HESX1: variants seen among roughly 807,000 people sequenced by gnomAD.
HESX1 encodes homeobox expressed in ES cells 1.
A neutral mutation model predicts 22.5 loss-of-function variants in HESX1; 11 were observed. That is an observed-to-expected ratio of 0.49 (90% CI 0.31 to 0.81). HESX1 has a LOEUF of 0.81. HESX1 is among the 30% of genes least tolerant of loss of function. The pLI, the probability that HESX1 is intolerant of heterozygous loss-of-function variation, is 0.05. For missense variants in HESX1, 201 were observed against 212.6 expected, an observed-to-expected ratio of 0.95 and a Z score of 0.34; for synonymous variants, 74 against 76.5, an observed-to-expected ratio of 0.97 and a Z score of 0.17.
chr3:57,202,726 ATGGC>A (rs1260689172), upstream of HESX1, among the ~76,000 whole-genome samples: 9 of 152,234 alleles, frequency 5.9e-5, no homozygotes, highest in African/African-American at 2.2e-4. Context: ...TGCTAATTTC[ATGGC>A]ATGATAAATA....
chr3:57,204,453 G>A (rs2060508503), upstream of HESX1, among the ~76,000 whole-genome samples: 1 of 152,226 alleles, frequency 6.6e-6, no homozygotes, highest in Non-Finnish European at 1.5e-5. Context: ...AAGATGACTA[G>A]GTTTTTTGGC....
upstream of HESX1, among the ~76,000 whole-genome samples, chr3:57,200,635 T>G (rs1054610399): frequency 6.6e-6 from 1 of 152,212 alleles, no homozygotes; most frequent in Admixed American, 6.5e-5. Flanking sequence ...AAATAATTAA[T>G]GGGCTAATTC....
At chr3:57,200,458 A>T (rs972375702), upstream of HESX1, among the ~76,000 whole-genome samples, 1 of 152,222 alleles carries the variant, frequency 6.6e-6, no homozygotes, top group African/African-American at 2.4e-5. Context: ...TTCTGATGAA[A>T]ATGCCTGTTT....
Position 57,198,920 on chromosome 3 carries a change from T to C in HESX1, c.190A>G (p.Asn64Asp). The part of the protein sequence containing the change: ...KDGNLCLHVP[N>D]PPSGISFPSV... ...GGGAATGAAATCCCACTGGGAGGAT[T>C]TGGGACATGTAGACATAAGTTACCA... The change falls in exon 2 of 4, where the codon AAT (asparagine) becomes GAT (aspartate). Residue 64 changes from asparagine (N) to aspartate (D), a missense_variant. Asn to Asp is a conservative substitution (Grantham distance 23, BLOSUM62 1). Transcript: ENST00000295934. The C allele has an allele frequency of 1.2e-6, 2 of 1,614,106 alleles. No individual in the cohort carries two copies. Among genetic ancestry groups the C allele is most frequent in the South Asian group, 2.2e-5 (2 of 91,076 alleles).
At chr3:57,216,233 G>T (rs528660665) in intron 1 of HESX1, among the ~76,000 whole-genome samples, 1 of 152,220 alleles carries the variant, frequency 6.6e-6, no homozygotes, top group Non-Finnish European at 1.5e-5. Flanking sequence ...ATCAGCAACA[G>T]ATCCTCAGTA....
In HESX1 at chr3:57,225,886, T is replaced by C. The variant is rs568999528; in HGVS notation, c.-111+410A>G. 7.4e-4 allele frequency among the ~76,000 whole-genome samples: 110 copies of C among 149,156 alleles called. 2 individuals carry two copies. In the South Asian group the frequency reaches 0.015, roughly 20 times the overall value. ...AAATACTTTTCTTTTCTTTTCTTTT[T>C]TTTTTTTTTTTTGATACGTAGTCTT... On this transcript the variant is annotated intron_variant, in intron 1 of 2. Transcript: ENST00000495160.
chr3:57,211,764 T>C (rs1335750742), intron 1 of HESX1, among the ~76,000 whole-genome samples: 5 of 151,200 alleles, frequency 3.3e-5, no homozygotes, highest in Non-Finnish European at 5.9e-5. Flanking sequence ...ACCCAGGAGG[T>C]AGACGTTGCA....
At chr3:57,226,055 G>C (rs986615585) in intron 1 of HESX1, among the ~76,000 whole-genome samples, 1 of 151,490 alleles carries the variant, frequency 6.6e-6, no homozygotes, top group African/African-American at 2.4e-5. Flanking sequence ...TTTTTGTATT[G>C]TTAGTAGAGA....
intron 1 of HESX1, among the ~76,000 whole-genome samples, chr3:57,225,236 A>G (rs2060635280): frequency 6.6e-6 from 1 of 152,224 alleles, no homozygotes; most frequent in African/African-American, 2.4e-5. Context: ...AGAGAATCCA[A>G]ATGGAAGGTT....
chr3:57,198,253 T>C lies in HESX1; in HGVS notation c.502A>G (p.Arg168Gly). Residue 168 changes from arginine to glycine, a missense_variant, in exon 4 of 4, where the codon AGA becomes GGA. Coordinates refer to ENST00000295934, the MANE Select transcript of HESX1 (RefSeq NM_003865.3). ...NRRAKLKRSH[R>G]ESQFLMAKKN... is the part of the protein sequence containing the mutation. ...TTCGCCATTAGAAACTGTGATTCTC[T>C]ATGGGACCTTTTCAGTTTTGCACGC... 3 of 1,613,562 alleles carry C rather than the reference T, an allele frequency of 1.9e-6. No individual in the cohort carries two copies.
chr3:57,217,392 T>C (rs1014992663), intron 1 of HESX1, among the ~76,000 whole-genome samples: 3 of 152,300 alleles, frequency 2.0e-5, no homozygotes, highest in Admixed American at 1.3e-4. Flanking sequence ...ATATTTGTAA[T>C]CCCTTTGATA....
In HESX1 at chr3:57,198,062, C is replaced by A; in HGVS notation, c.*135G>T. 2.9e-6 allele frequency: 2 copies of A among 695,622 alleles called. No individual in the cohort carries two copies. The allele number at this position is 695,622 out of a possible 1,614,324, so 43.1% of individuals were successfully genotyped here. On this transcript the variant is annotated 3_prime_UTR_variant, in exon 4 of 4. Transcript: ENST00000295934. Reference sequence around the variant, plus strand: ...ATGTACCATGCTATAATAGTATTTACAATATATTTTCAGAAAAAATGACAA... The same window carrying A: ...ATGTACCATGCTATAATAGTATTTAAAATATATTTTCAGAAAAAATGACAA...
At chr3:57,223,491 A>C (rs1183772277) in intron 1 of HESX1, among the ~76,000 whole-genome samples, 1 of 152,200 alleles carries the variant, frequency 6.6e-6, no homozygotes, top group Non-Finnish European at 1.5e-5. Context: ...GTCAAGGTCA[A>C]AGGCAGAAGC....
At chr3:57,211,769 G>A (rs931054596) in intron 1 of HESX1, among the ~76,000 whole-genome samples, 10 of 151,832 alleles carry the variant, frequency 6.6e-5, no homozygotes, top group African/African-American at 1.7e-4. Context: ...GGAGGTAGAC[G>A]TTGCAGTGAG....
intron 1 of HESX1, 100 bp downstream of exon 1, chr3:57,199,658 AAATT>A (rs2060472273): frequency 2.6e-6 from 2 of 761,242 alleles, no homozygotes; most frequent in Admixed American, 6.0e-5. Flanking sequence ...ATAATAAATT[AAATT>A]AAAGTCCTAA....
intron 1 of HESX1, among the ~76,000 whole-genome samples, chr3:57,223,184 C>T (rs1189770391): frequency 6.6e-6 from 1 of 152,168 alleles, no homozygotes; most frequent in Non-Finnish European, 1.5e-5. Flanking sequence ...CACAGAGCTA[C>T]TAAACAGTGG....
At chr3:57,208,360 T>C (rs2060531842) in intron 1 of HESX1, among the ~76,000 whole-genome samples, 1 of 151,986 alleles carries the variant, frequency 6.6e-6, no homozygotes, top group African/African-American at 2.4e-5. Context: ...GATTGATTGA[T>C]TGATTGATTG....
At chr3:57,223,810 A>G (rs1452447647) in intron 1 of HESX1, among the ~76,000 whole-genome samples, 1 of 152,146 alleles carries the variant, frequency 6.6e-6, no homozygotes, top group Non-Finnish European at 1.5e-5. Context: ...AATTTTTTGC[A>G]TTATACATTA....
intron 1 of HESX1, among the ~76,000 whole-genome samples, chr3:57,213,462 C>A (rs1415271762): frequency 6.6e-6 from 1 of 152,156 alleles, no homozygotes; most frequent in African/African-American, 2.4e-5. Flanking sequence ...TCAGACTCAA[C>A]ATTCAAAGAT....
Sources: gnomAD v4.1 joint callset for allele counts (sites outside exome capture counted in the v4.1 genomes callset) on GRCh38, gnomAD v4.1.1 for gene constraint, MANE v1.5 for transcripts, NCBI Gene and HGNC (gene_info 2026-07-23, HGNC 2026-07-21) for gene names.